Variants in HNF4G observed in about 807,000 individuals in gnomAD.
HNF4G encodes the protein hepatocyte nuclear factor 4-gamma.
Under a neutral mutation model 50.9 loss-of-function variants are expected in HNF4G, and 21 were observed. That is an observed-to-expected ratio of 0.41 (90% CI 0.29 to 0.59). HNF4G has a LOEUF of 0.59. HNF4G is among the 20% of genes least tolerant of loss of function. The pLI is 0.26. For synonymous variants in HNF4G, 198 were observed against 185.6 expected (o/e 1.07, Z -0.54); for missense variants, 527 against 559.4 (o/e 0.94, Z 0.58).
chr8:75,543,901 A>C lies in HNF4G; in HGVS notation c.209A>C (p.His70Pro). The change falls in exon 2 of 10, where the codon CAC (histidine) becomes CCC (proline). Residue 70 changes from histidine (H) to proline (P), a missense_variant. His to Pro is a moderately conservative substitution (Grantham distance 77). This residue lies in a region of HNF4G where 84 missense variants were observed against 87.1 expected (regional missense o/e 0.96). Coordinates refer to ENST00000396423, the MANE Select transcript of HNF4G (RefSeq NM_004133.5). Reference protein sequence around the residue: ...AICGDRATGKHYGASSCDGCK... With the variant: ...AICGDRATGKPYGASSCDGCK... ...TGTGGGGACAGAGCAACAGGAAAAC[A>C]CTATGGGGCATCCAGCTGTGATGGG... 6.2e-7 allele frequency: 1 copy of C among 1,613,886 alleles called. No homozygotes were observed. The highest frequency in any genetic ancestry group is 8.5e-7 in the Non-Finnish European group (1 of 1,179,834).
chr8:75,550,540 T>C (rs920069747), intron 3 of HNF4G, among the ~76,000 whole-genome samples: 2 of 152,110 alleles, frequency 1.3e-5, no homozygotes, highest in African/African-American at 4.8e-5. Flanking sequence ...CTCGTACTTT[T>C]GACCTCAGCC....
intron 5 of HNF4G, among the ~76,000 whole-genome samples, chr8:75,554,838 G>A (rs1441874764): frequency 6.6e-6 from 1 of 152,194 alleles, no homozygotes; most frequent in African/African-American, 2.4e-5. Flanking sequence ...GGGATAAAAT[G>A]AGAAGAGATA....
intron 1 of HNF4G, among the ~76,000 whole-genome samples, chr8:75,422,790 T>G (rs967878710): frequency 6.6e-6 from 1 of 152,074 alleles, no homozygotes; most frequent in African/African-American, 2.4e-5. Flanking sequence ...CCCGCCACCA[T>G]GCCCCGCTAA....
chr8:75,484,524 T>G (rs1357764681), intron 1 of HNF4G, among the ~76,000 whole-genome samples: 1 of 152,234 alleles, frequency 6.6e-6, no homozygotes, highest in Non-Finnish European at 1.5e-5. Flanking sequence ...CTTAAGTGTT[T>G]CTTTCTCAGG....
intron 1 of HNF4G, among the ~76,000 whole-genome samples, chr8:75,430,054 G>A (rs1057471536): frequency 5.3e-5 from 8 of 152,014 alleles, no homozygotes; most frequent in African/African-American, 1.7e-4. Context: ...GGGAGGCTGA[G>A]GCAGGAGTAT....
At chr8:75,508,196 G>A (rs1188550115) in intron 2 of HNF4G, among the ~76,000 whole-genome samples, 1 of 151,994 alleles carries the variant, frequency 6.6e-6, no homozygotes, top group African/African-American at 2.4e-5. Flanking sequence ...GCACAGGCAG[G>A]GAGATTGGGC....
At chr8:75,552,449 A>G (rs893542772) in intron 4 of HNF4G, among the ~76,000 whole-genome samples, 5 of 151,378 alleles carry the variant, frequency 3.3e-5, no homozygotes, top group African/African-American at 1.2e-4. Flanking sequence ...CTAAAATTAC[A>G]AATTTACAAA....
At chr8:75,443,778 T>A (rs538704951) in intron 1 of HNF4G, among the ~76,000 whole-genome samples, 3 of 152,176 alleles carry the variant, frequency 2.0e-5, no homozygotes, top group Admixed American at 2.0e-4. Flanking sequence ...TTGTAATAAA[T>A]CAGTAAGTTG....
intron 2 of HNF4G, among the ~76,000 whole-genome samples, chr8:75,514,060 T>A (rs1805827408): frequency 6.6e-6 from 1 of 151,962 alleles, no homozygotes; most frequent in Non-Finnish European, 1.5e-5. Context: ...AAGGTTTGAA[T>A]TAATATTGAT....
chr8:75,480,292 G>T (rs1243785485), intron 1 of HNF4G, among the ~76,000 whole-genome samples: 1 of 152,142 alleles, frequency 6.6e-6, no homozygotes, highest in African/African-American at 2.4e-5. Flanking sequence ...AATTGTATAC[G>T]TGCATAGCCA....
chr8:75,547,989 AT>A (rs34854066), intron 3 of HNF4G, among the ~76,000 whole-genome samples: 50,369 of 139,986 alleles, frequency 0.36, 8,406 homozygotes, highest in African/African-American at 0.44. Context: ...GAAATTACAG[AT>A]TTTTTTTTTT....
intron 1 of HNF4G, among the ~76,000 whole-genome samples, chr8:75,425,639 A>G (rs17394470): frequency 0.015 from 2,312 of 149,496 alleles, 100 homozygotes; most frequent in Admixed American, 0.085. Flanking sequence ...AACCATTGCT[A>G]TGCCACATAG....
intron 1 of HNF4G, among the ~76,000 whole-genome samples, chr8:75,449,673 AT>A (rs1295029747): frequency 2.6e-4 from 39 of 151,410 alleles, no homozygotes; most frequent in East Asian, 1.4e-3. Flanking sequence ...CGCCAGGCTA[AT>A]TTTTTTGTAT....
intron 2 of HNF4G, among the ~76,000 whole-genome samples, chr8:75,546,476 C>T (rs1238249311): frequency 6.6e-6 from 1 of 152,026 alleles, no homozygotes; most frequent in Non-Finnish European, 1.5e-5. Flanking sequence ...ATTTTCATCA[C>T]CTTATAAAGA....
intron 1 of HNF4G, among the ~76,000 whole-genome samples, chr8:75,430,802 A>C (rs1810999417): frequency 6.6e-6 from 1 of 152,224 alleles, no homozygotes; most frequent in African/African-American, 2.4e-5. Flanking sequence ...AAAGGATATG[A>C]GATTGCATTA....
intron 1 of HNF4G, among the ~76,000 whole-genome samples, chr8:75,467,490 TC>T (rs1812013749): frequency 1.3e-5 from 2 of 152,210 alleles, no homozygotes; most frequent in South Asian, 4.1e-4. Flanking sequence ...TGAAACCCTG[TC>T]TCTACTAAAA....
intron 1 of HNF4G, among the ~76,000 whole-genome samples, chr8:75,447,681 A>C (rs1202553875): frequency 2.6e-5 from 4 of 152,114 alleles, no homozygotes; most frequent in Admixed American, 2.0e-4. Context: ...CACATGAAAA[A>C]ATGCTCATCA....
intron 1 of HNF4G, among the ~76,000 whole-genome samples, chr8:75,419,609 G>A (rs956153917): frequency 6.6e-6 from 1 of 152,218 alleles, no homozygotes; most frequent in Non-Finnish European, 1.5e-5. Context: ...TTACACTGGT[G>A]ATTTCAGAGT....
chr8:75,440,600 T>C (rs1811256054), intron 1 of HNF4G, among the ~76,000 whole-genome samples: 1 of 152,242 alleles, frequency 6.6e-6, no homozygotes, highest in Non-Finnish European at 1.5e-5. Context: ...TTTTATTTAG[T>C]GTTACCACTA....
Sources: gnomAD v4.1 joint callset for allele counts (sites outside exome capture counted in the v4.1 genomes callset) on GRCh38, gnomAD v4.1.1 for gene constraint, gnomAD v4.1.1 regional missense constraint, MANE v1.5 for transcripts, NCBI Gene and HGNC (gene_info 2026-07-23, HGNC 2026-07-21) for gene names.